The following ARHGAP26 variants were observed in gnomAD, a reference collection of about 807,000 sequenced individuals.
The protein encoded by ARHGAP26 is rho GTPase-activating protein 26.
A neutral mutation model predicts 104.8 loss-of-function variants in ARHGAP26; 38 were observed. The ratio of observed to expected loss-of-function variants is 0.36; its 90% CI spans 0.28 to 0.48. The LOEUF is 0.48. Ranked by LOEUF, ARHGAP26 falls within the 20% of genes least tolerant of loss-of-function variation. The pLI is 0.99. For synonymous variants in ARHGAP26, 341 were observed against 340.0 expected (o/e 1.00, Z -0.03); for missense variants, 704 against 947.9 (o/e 0.74, Z 3.38).
intron 11 of ARHGAP26, among the ~76,000 whole-genome samples, chr5:142,961,679 T>C (rs7731735): frequency 0.018 from 2,769 of 152,322 alleles, 77 homozygotes; most frequent in African/African-American, 0.063. Flanking sequence ...GTGCAGTTAA[T>C]CATAGTAAGA....
chr5:143,177,987 C>CTTT (rs397705462), intron 20 of ARHGAP26, among the ~76,000 whole-genome samples: 11 of 58,340 alleles, frequency 1.9e-4, no homozygotes, highest in East Asian at 7.8e-4. Flanking sequence ...TGTGGCAGTC[C>CTTT]TTTTTTTTTT....
At chr5:142,958,609 G>A (rs888566871) in intron 11 of ARHGAP26, among the ~76,000 whole-genome samples, 3 of 152,206 alleles carry the variant, frequency 2.0e-5, no homozygotes, top group African/African-American at 4.8e-5. Context: ...TGAGGCTACA[G>A]TGAACTGTGA....
chr5:143,219,025 G>A (rs1409368028), intron 22 of ARHGAP26, among the ~76,000 whole-genome samples: 2 of 152,250 alleles, frequency 1.3e-5, no homozygotes, highest in African/African-American at 4.8e-5. Flanking sequence ...AGGAAACTCA[G>A]GTGTGAAGTG....
At chr5:143,018,539 A>G (rs1468395099) in intron 12 of ARHGAP26, among the ~76,000 whole-genome samples, 1 of 152,236 alleles carries the variant, frequency 6.6e-6, no homozygotes, top group Non-Finnish European at 1.5e-5. Context: ...ATGAAGATCC[A>G]TTCTTATTTT....
chr5:143,070,502 G>A (rs920957967), intron 17 of ARHGAP26, among the ~76,000 whole-genome samples: 3 of 152,176 alleles, frequency 2.0e-5, no homozygotes, highest in African/African-American at 7.2e-5. Context: ...AGAAATTGAA[G>A]AGAATACAAA....
At position 143,100,032 on chromosome 5, in the gene ARHGAP26, A is replaced by G. The variant is rs143967480; in HGVS notation, c.1539-20956A>G. Among the ~76,000 whole-genome samples the G allele has an allele frequency of 4.1e-3, 618 of 152,340 alleles. 5 individuals are homozygous for G. Among genetic ancestry groups the G allele is most frequent in the African/African-American group, 0.014 (597 of 41,584 alleles). ...AAATAACTTCAGACAATTTGCCAGA[A>G]TGCAGTCCAGGGAAATAATGAAATA... On this transcript the variant is annotated intron_variant, in intron 17 of 22. Coordinates refer to ENST00000645722, the MANE Select transcript of ARHGAP26 (RefSeq NM_001135608.3).
At chr5:143,102,475 A>T (rs1448129243) in intron 17 of ARHGAP26, among the ~76,000 whole-genome samples, 1 of 152,198 alleles carries the variant, frequency 6.6e-6, no homozygotes, top group Admixed American at 6.5e-5. Context: ...TTCCTCCCCT[A>T]ACTCAGAATG....
chr5:142,870,525 T>G (rs1040771972), intron 1 of ARHGAP26, among the ~76,000 whole-genome samples: 1 of 152,220 alleles, frequency 6.6e-6, no homozygotes, highest in African/African-American at 2.4e-5. Context: ...CTTGCACTCT[T>G]AGGTCAGTCC....
intron 22 of ARHGAP26, among the ~76,000 whole-genome samples, chr5:143,217,764 C>T (rs1285150915): frequency 6.6e-6 from 1 of 152,244 alleles, no homozygotes; most frequent in Non-Finnish European, 1.5e-5. Context: ...CACCTCTCAC[C>T]TGGGCGCTTC....
At chr5:143,138,594 GTC>G (rs1206356741) in intron 19 of ARHGAP26, among the ~76,000 whole-genome samples, 2 of 152,176 alleles carry the variant, frequency 1.3e-5, no homozygotes, top group African/African-American at 4.8e-5. Flanking sequence ...TGATGGGAGA[GTC>G]TCTCTGTGAG....
At chr5:143,054,031 T>C (rs1785432797) in intron 14 of ARHGAP26, among the ~76,000 whole-genome samples, 1 of 152,254 alleles carries the variant, frequency 6.6e-6, no homozygotes, top group South Asian at 2.1e-4. Flanking sequence ...TTGTTTTTTC[T>C]GCTTTTGCAA....
At chr5:142,869,454 C>T (rs537875934) in intron 1 of ARHGAP26, among the ~76,000 whole-genome samples, 40 of 152,130 alleles carry the variant, frequency 2.6e-4, no homozygotes, top group Admixed American at 1.7e-3. Context: ...CTCCTGACCT[C>T]ATGATCCACC....
intron 3 of ARHGAP26, 81 bp downstream of exon 3, chr5:142,875,252 A>G: frequency 7.4e-7 from 1 of 1,355,030 alleles, no homozygotes; most frequent in South Asian, 1.2e-5. Flanking sequence ...GAAGAACTAG[A>G]TTCAAATCCA....
At position 143,038,684 on chromosome 5, in the gene ARHGAP26, CTTTTTTTTTTTTTTTTTTTTTT is replaced by C. The variant is rs60428049; in HGVS notation, c.1210+1432_1210+1453del. On this transcript the variant is annotated intron_variant, in intron 13 of 22. Coordinates refer to ENST00000645722, the MANE Select transcript of ARHGAP26 (RefSeq NM_001135608.3). Reference sequence around the variant, plus strand: ...GGAAATACATTTTTTGACATACGGCCTTTTTTTTTTTTTTTTTTTTTTTTTTTTTTGAGACAGAGTCTCTTTC... The same window carrying C: ...GGAAATACATTTTTTGACATACGGCCTTTTTTTTGAGACAGAGTCTCTTTC... Among the ~76,000 whole-genome samples the C allele has an allele frequency of 2.2e-4, 14 of 64,436 alleles. 1 individual carries two copies. The highest frequency in any genetic ancestry group is 2.9e-4 in the Non-Finnish European group (11 of 38,480). 42.3% of individuals were successfully genotyped at this position (64,436 alleles called of 152,430 possible). A position where few individuals can be genotyped will look rare whatever the true frequency, so the allele number is the denominator to read the frequency against.
At chr5:142,868,661 T>A (rs1203456713) in intron 1 of ARHGAP26, 1 of 152,884 alleles carries the variant, frequency 6.5e-6, no homozygotes, top group African/African-American at 2.4e-5. Context: ...TGAATGGTGG[T>A]GCCCTTCGTT....
intron 11 of ARHGAP26, among the ~76,000 whole-genome samples, chr5:142,952,604 A>AT (rs1458027164): frequency 6.6e-6 from 1 of 152,126 alleles, no homozygotes; most frequent in Non-Finnish European, 1.5e-5. Flanking sequence ...TCTGTGGACC[A>AT]TTTTTTCAGC....
intron 17 of ARHGAP26, among the ~76,000 whole-genome samples, chr5:143,093,399 T>C (rs959242675): frequency 2.0e-5 from 3 of 152,192 alleles, no homozygotes; most frequent in Non-Finnish European, 2.9e-5. Flanking sequence ...TGGAGTGTTA[T>C]AGGGTCAGGA....
rs771895343 is a variant in ARHGAP26, at chr5:142,894,274, T to A, written c.523T>A (p.Tyr175Asn). Reference sequence around the variant, plus strand: ...AGTGGACCTGGTCCGGCAGCATTTCTATGAAGTATCCCTGGAATATGTCTT... The same window carrying A: ...AGTGGACCTGGTCCGGCAGCATTTCAATGAAGTATCCCTGGAATATGTCTT... The part of the protein sequence containing the change: ...SQVDLVRQHF[Y>N]EVSLEYVFKV... Residue 175 changes from tyrosine to asparagine, a missense_variant, in exon 6 of 23, where the codon TAT becomes AAT. By Grantham distance (143) the Tyr-to-Asn change is moderately radical (BLOSUM62 -2). Coordinates refer to ENST00000645722, the MANE Select transcript of ARHGAP26 (RefSeq NM_001135608.3). 6.2e-7 allele frequency: 1 copy of A among 1,614,154 alleles called. No individual in the cohort carries two copies. The highest frequency in any genetic ancestry group is 1.7e-5 in the Admixed American group (1 of 60,022).
At chr5:142,928,199 T>C (rs989425604) in intron 10 of ARHGAP26, among the ~76,000 whole-genome samples, 1 of 151,884 alleles carries the variant, frequency 6.6e-6, no homozygotes, top group African/African-American at 2.4e-5. Context: ...TCAATATTTT[T>C]TCTTTATGAT....
Sources: allele counts gnomAD v4.1 joint callset (sites outside exome capture counted in the v4.1 genomes callset), GRCh38; gene constraint gnomAD v4.1.1; transcripts MANE v1.5; gene names NCBI Gene and HGNC (gene_info 2026-07-23, HGNC 2026-07-21).